RGL1: variants seen among roughly 807,000 people sequenced by gnomAD.
The protein encoded by RGL1 is ral guanine nucleotide dissociation stimulator like 1.
RGL1 carries 24 observed loss-of-function variants against 95.2 expected under a neutral mutation model. The ratio of observed to expected loss-of-function variants is 0.25; its 90% confidence interval spans 0.18 to 0.35. The LOEUF is 0.35. Ranked by LOEUF, RGL1 falls within the 10% of genes least tolerant of loss-of-function variation. The pLI is 1.00. For synonymous variants in RGL1, 329 were observed against 344.9 expected, an observed-to-expected ratio of 0.95 and a Z score of 0.51; for missense variants, 715 against 936.3, an observed-to-expected ratio of 0.76 and a Z score of 3.08.
At chr1:183,750,160 A>G (rs545553513) in intron 2 of RGL1, among the ~76,000 whole-genome samples, 1 of 152,210 alleles carries the variant, frequency 6.6e-6, no homozygotes, top group East Asian at 1.9e-4. Flanking sequence ...GTGTTTTCCA[A>G]CTTGGTTCCA....
At chr1:183,682,053 T>C (rs966135748) in intron 1 of RGL1, among the ~76,000 whole-genome samples, 1 of 152,238 alleles carries the variant, frequency 6.6e-6, no homozygotes, top group Non-Finnish European at 1.5e-5. Flanking sequence ...TTGATTCTTC[T>C]CTATTTTATT....
chr1:183,889,255 A>C (rs576769883), intron 8 of RGL1, among the ~76,000 whole-genome samples: 1 of 152,282 alleles, frequency 6.6e-6, no homozygotes, highest in East Asian at 1.9e-4. Flanking sequence ...GGGAGGGGGC[A>C]GTTCTGATTC....
At chr1:183,746,284 A>G (rs116475749) in intron 2 of RGL1, among the ~76,000 whole-genome samples, 3,361 of 152,202 alleles carry the variant, frequency 0.022, 126 homozygotes, top group African/African-American at 0.076. Flanking sequence ...TCTTTACTGC[A>G]TATGTGTATC....
At chr1:183,678,911 A>G (rs868349208) in intron 1 of RGL1, among the ~76,000 whole-genome samples, 20 of 152,320 alleles carry the variant, frequency 1.3e-4, no homozygotes, top group Middle Eastern at 3.4e-3. Context: ...TACAAGCCCA[A>G]AATAGTTACT....
At chr1:183,662,802 G>C (rs1015120209) in intron 1 of RGL1, among the ~76,000 whole-genome samples, 6 of 152,022 alleles carry the variant, frequency 3.9e-5, no homozygotes, top group African/African-American at 4.8e-5. Context: ...CGCTACCTGA[G>C]TTCAAACTAT....
chr1:183,783,618 T>G (rs1261251148), intron 2 of RGL1, among the ~76,000 whole-genome samples: 2 of 152,326 alleles, frequency 1.3e-5, no homozygotes, highest in Admixed American at 1.3e-4. Context: ...TTCTCCTTAT[T>G]TCCCTTTCCC....
chr1:183,734,811 A>C (rs1026578810), intron 1 of RGL1, among the ~76,000 whole-genome samples: 4 of 152,164 alleles, frequency 2.6e-5, no homozygotes, highest in African/African-American at 9.7e-5. Flanking sequence ...AATTCCCTCT[A>C]TCTCTCTTAG....
rs570189558 is a variant in RGL1 at position 183,876,875 on chromosome 1, C to T, written c.426-3741C>T. On this transcript the variant is annotated intron_variant, in intron 4 of 17. Transcript: ENST00000360851. ...ATTCCTGTGAGTGCTGATGGATTTT[C>T]GCTGAGCCATTTTACCTTTTCAATC... is the stretch of plus-strand genomic sequence containing the variant. Among the ~76,000 whole-genome samples the T allele has an allele frequency of 2.2e-3, 330 of 152,296 alleles. 2 individuals carry two copies. Among genetic ancestry groups the T allele is most frequent in the African/African-American group, 7.4e-3 (309 of 41,576 alleles).
chr1:183,644,348 G>C (rs74828859), intron 1 of RGL1, among the ~76,000 whole-genome samples: 1 of 151,994 alleles, frequency 6.6e-6, no homozygotes, highest in Non-Finnish European at 1.5e-5. Flanking sequence ...AGGATTATTG[G>C]GAGGATTAAA....
At chr1:183,871,241 G>A (rs1666165967) in intron 4 of RGL1, among the ~76,000 whole-genome samples, 1 of 152,210 alleles carries the variant, frequency 6.6e-6, no homozygotes, top group Admixed American at 6.5e-5. Flanking sequence ...ACATACACAA[G>A]CTTTGTTTGT....
chr1:183,915,772 C>T (rs976722410), intron 15 of RGL1, among the ~76,000 whole-genome samples: 3 of 152,200 alleles, frequency 2.0e-5, no homozygotes, highest in Non-Finnish European at 1.5e-5. Flanking sequence ...TTATTGTCAT[C>T]AGCCACAGGC....
chr1:183,745,051 A>G (rs976992620), intron 2 of RGL1, among the ~76,000 whole-genome samples: 4 of 152,156 alleles, frequency 2.6e-5, no homozygotes, highest in African/African-American at 9.7e-5. Context: ...GTATTGACAG[A>G]CCTTTAAATA....
intron 2 of RGL1, among the ~76,000 whole-genome samples, chr1:183,750,680 C>T (rs1021753438): frequency 6.6e-6 from 1 of 152,212 alleles, no homozygotes; most frequent in Non-Finnish European, 1.5e-5. Context: ...GCTGGCTTCT[C>T]CTTATCTTCT....
At chr1:183,676,262 T>C (rs1006461278) in intron 1 of RGL1, among the ~76,000 whole-genome samples, 1 of 152,182 alleles carries the variant, frequency 6.6e-6, no homozygotes, top group African/African-American at 2.4e-5. Flanking sequence ...CATGAAACCT[T>C]TGTCTTGATT....
chr1:183,738,172 C>T (rs905911610), intron 1 of RGL1, among the ~76,000 whole-genome samples: 1 of 152,200 alleles, frequency 6.6e-6, no homozygotes, highest in African/African-American at 2.4e-5. Context: ...GTAATTTCAG[C>T]ACTTTGGGAG....
At chr1:183,644,039 T>C (rs1263189637) in intron 1 of RGL1, among the ~76,000 whole-genome samples, 1 of 152,194 alleles carries the variant, frequency 6.6e-6, no homozygotes, top group Non-Finnish European at 1.5e-5. Context: ...CCACCCTGCC[T>C]ACCTGGCTTC....
At chr1:183,905,843 C>T (rs757409487) in intron 13 of RGL1, among the ~76,000 whole-genome samples, 33 of 152,146 alleles carry the variant, frequency 2.2e-4, no homozygotes, top group South Asian at 6.2e-4. Flanking sequence ...TTTTGTGACA[C>T]GAAACAGTTA....
chr1:183,772,530 T>C (rs1473228287), intron 2 of RGL1, among the ~76,000 whole-genome samples: 1 of 152,182 alleles, frequency 6.6e-6, no homozygotes, highest in Non-Finnish European at 1.5e-5. Flanking sequence ...CCTACAGTAG[T>C]AGAAATTGAA....
intron 1 of RGL1, among the ~76,000 whole-genome samples, chr1:183,720,702 A>G (rs2102203410): frequency 6.6e-6 from 1 of 152,308 alleles, no homozygotes; most frequent in Admixed American, 6.5e-5. Flanking sequence ...TGTGTGGAGA[A>G]TGGATTAGAT....
Sources: allele counts gnomAD v4.1 joint callset (sites outside exome capture counted in the v4.1 genomes callset), GRCh38; gene constraint gnomAD v4.1.1; transcripts MANE v1.5; gene names NCBI Gene and HGNC (gene_info 2026-07-23, HGNC 2026-07-21).